The following GAL3ST2 variants were observed in gnomAD, a reference collection of about 807,000 sequenced individuals.
GAL3ST2 encodes beta-galactose-3-O-sulfotransferase 2.
A neutral mutation model predicts 12.9 loss-of-function variants in GAL3ST2; 16 were observed. The ratio of observed to expected loss-of-function variants is 1.24; its 90% CI spans 0.84 to 1.88. The LOEUF (loss-of-function observed/expected upper bound fraction) is 1.88. Among genes scored for constraint, GAL3ST2 ranks in the 40% most tolerant of loss-of-function variants. The pLI, the probability that GAL3ST2 is intolerant of heterozygous loss-of-function variation, is 0.00. For synonymous variants in GAL3ST2, 302 were observed against 273.9 expected (o/e 1.10, Z -1.01); for missense variants, 639 against 571.8 (o/e 1.12, Z -1.20).
chr2:241,786,299 GAC>G (rs1699627651), intron 1 of GAL3ST2, among the ~76,000 whole-genome samples: 2 of 151,882 alleles, frequency 1.3e-5, no homozygotes, highest in African/African-American at 4.8e-5. Flanking sequence ...CAAAAACAGA[GAC>G]AAACAACAAC....
intron 1 of GAL3ST2, among the ~76,000 whole-genome samples, chr2:241,790,523 A>G (rs1028090821): frequency 2.6e-5 from 4 of 152,158 alleles, no homozygotes; most frequent in African/African-American, 9.7e-5. Context: ...CCAAATTCCT[A>G]TCTAAGAGGT....
chr2:241,799,146 G>T lies in GAL3ST2; in HGVS notation c.111G>T (p.Leu37=). ...GATTCCTGCACTCGGACTTAGAGCTGGACACACCGTAAGTCCTGCCCCCAC... is the reference window on the plus strand; with the variant it reads ...GATTCCTGCACTCGGACTTAGAGCTTGACACACCGTAAGTCCTGCCCCCAC... The part of the protein sequence containing the change: ...LAGFLHSDLE[L]DTPLFGGQAE... Residue 37 remains leucine (L), a synonymous_variant, in exon 2 of 4, where the codon CTG becomes CTT. Transcript: ENST00000192314. 1 of 1,613,538 alleles carries T rather than the reference G, an allele frequency of 6.2e-7. No individual in the cohort carries two copies. The highest frequency in any genetic ancestry group is 8.5e-7 in the Non-Finnish European group (1 of 1,179,810).
chr2:241,794,183 ATT>A (rs1699741801), intron 1 of GAL3ST2, among the ~76,000 whole-genome samples: 1 of 151,576 alleles, frequency 6.6e-6, no homozygotes, highest in African/African-American at 2.4e-5. Flanking sequence ...CCTTGACTCA[ATT>A]GATCTTCTCA....
intron 1 of GAL3ST2, among the ~76,000 whole-genome samples, chr2:241,797,691 G>A (rs924575767): frequency 6.6e-6 from 1 of 151,084 alleles, no homozygotes; most frequent in Non-Finnish European, 1.5e-5. Context: ...TGAGCAGCGG[G>A]GCTGATCCTA....
intron 1 of GAL3ST2, among the ~76,000 whole-genome samples, chr2:241,780,434 G>A (rs1355206838): frequency 5.3e-5 from 8 of 152,208 alleles, no homozygotes; most frequent in African/African-American, 1.9e-4. Flanking sequence ...CAGGAGAACT[G>A]CTTGAACCTG....
chr2:241,797,693 C>T (rs1699789927), intron 1 of GAL3ST2, among the ~76,000 whole-genome samples: 1 of 152,182 alleles, frequency 6.6e-6, no homozygotes, highest in Admixed American at 6.5e-5. Flanking sequence ...AGCAGCGGGG[C>T]TGATCCTAAC....
chr2:241,782,595 G>C (rs1318301373), intron 1 of GAL3ST2, among the ~76,000 whole-genome samples: 1 of 152,140 alleles, frequency 6.6e-6, no homozygotes, highest in African/African-American at 2.4e-5. Flanking sequence ...CAAAGTGCTG[G>C]GATTACAGGT....
At chr2:241,792,005 T>A (rs1028531819) in intron 1 of GAL3ST2, among the ~76,000 whole-genome samples, 2 of 149,840 alleles carry the variant, frequency 1.3e-5, no homozygotes, top group Admixed American at 1.3e-4. Flanking sequence ...TCTTTTCTTT[T>A]CTTTCTTTCT....
At chr2:241,785,439 G>A (rs1699616998) in intron 1 of GAL3ST2, among the ~76,000 whole-genome samples, 1 of 151,726 alleles carries the variant, frequency 6.6e-6, no homozygotes, top group East Asian at 1.9e-4. Flanking sequence ...TGTAATCCCA[G>A]CTACTCAGGA....
Position 241,797,516 on chromosome 2 carries a change from G to A in GAL3ST2, c.30-1549G>A, listed in dbSNP as rs377400732. Among the ~76,000 whole-genome samples, 527 of 152,282 alleles carry A rather than the reference G, an allele frequency of 3.5e-3. 1 individual carries two copies. The highest frequency in any genetic ancestry group is 0.012 in the African/African-American group (497 of 41,540). On this transcript the variant is annotated intron_variant, in intron 1 of 3. Coordinates refer to ENST00000192314, the MANE Select transcript of GAL3ST2 (RefSeq NM_022134.3). ...CTTTCTCCAAAAGGAGAGGAGTGCC[G>A]GGCCAGCGTGTGGGAGTGAGGACCT...
rs1699825180 is a variant in GAL3ST2, at chr2:241,800,287, C to T, written c.119+1133C>T. 6.7e-6 allele frequency among the ~76,000 whole-genome samples: 1 copy of T among 149,576 alleles called. No homozygotes were observed. Among genetic ancestry groups the T allele is most frequent in the African/African-American group, 2.5e-5 (1 of 39,390 alleles). On this transcript the variant is annotated intron_variant, in intron 2 of 3. Coordinates refer to ENST00000192314, the MANE Select transcript of GAL3ST2 (RefSeq NM_022134.3). The surrounding 1 kb of genome is among the most constrained non-coding windows in gnomAD (Gnocchi z 5.2). ...TTGTTTCTTAAAAAGTGTGGACATC[C>T]CACAGGCTGGGAGCACAGCCGCCGA...
intron 1 of GAL3ST2, among the ~76,000 whole-genome samples, chr2:241,792,407 A>G (rs1443138579): frequency 6.6e-6 from 1 of 151,926 alleles, no homozygotes; most frequent in Non-Finnish European, 1.5e-5. Flanking sequence ...CTGAAGCCAG[A>G]CAACTTAAAC....
intron 1 of GAL3ST2, among the ~76,000 whole-genome samples, chr2:241,779,327 G>A (rs561955259): frequency 7.1e-6 from 1 of 141,734 alleles, no homozygotes; most frequent in Non-Finnish European, 1.5e-5. Context: ...TCCGCCTCCC[G>A]GGTTCACGCC....
chr2:241,803,844 C>A lies in GAL3ST2; in HGVS notation c.875C>A (p.Ala292Glu). The A allele has an allele frequency of 6.8e-7, 1 of 1,462,280 alleles. No homozygotes were observed. The highest frequency in any genetic ancestry group is 2.2e-4 in the Middle Eastern group (1 of 4,546). 90.6% of individuals were successfully genotyped at this position (1,462,280 alleles called of 1,614,324 possible). The change falls in exon 4 of 4, where the codon GCG (alanine) becomes GAG (glutamate). Residue 292 changes from alanine (A) to glutamate (E), a missense_variant. By Grantham distance (107) the Ala-to-Glu change is moderately radical. Coordinates refer to ENST00000192314, the MANE Select transcript of GAL3ST2 (RefSeq NM_022134.3). The stretch of plus-strand genomic sequence containing the variant: ...GAGCATTTCAACCGCACCCTCTGGG[C>A]GCAGCTGCGCGCCGAGCTGGGGCCG... ...LYEHFNRTLW[A>E]QLRAELGPRR... is the part of the protein sequence containing the mutation.
intron 1 of GAL3ST2, 56 bp from the exon 2 acceptor site, chr2:241,799,009 T>C: frequency 1.5e-6 from 2 of 1,377,772 alleles, no homozygotes; most frequent in Non-Finnish European, 2.0e-6. Flanking sequence ...GGATGGGAGG[T>C]GGGGGTGGGG....
chr2:241,801,331 A>C lies in GAL3ST2; in HGVS notation c.120-450A>C. On this transcript the variant is annotated intron_variant, in intron 2 of 3. Coordinates refer to ENST00000192314, the MANE Select transcript of GAL3ST2 (RefSeq NM_022134.3). The surrounding 1 kb of genome is among the most constrained non-coding windows in gnomAD (Gnocchi z 4.4). ...GGCTGCACAGTATTCCGTGGTGTAG[A>C]TGTGCCACATTTTCTTTACGGTCTC... The C allele has an allele frequency of 5.3e-6, 1 of 188,892 alleles. No individual in the cohort carries two copies. Among genetic ancestry groups the C allele is most frequent in the Non-Finnish European group, 1.1e-5 (1 of 91,630 alleles). The allele number at this position is 188,892 out of a possible 1,614,324, so 11.7% of individuals were successfully genotyped here.
intron 1 of GAL3ST2, among the ~76,000 whole-genome samples, chr2:241,777,374 C>T (rs973798505): frequency 1.4e-4 from 21 of 152,200 alleles, no homozygotes; most frequent in South Asian, 2.1e-4. Flanking sequence ...GAGTGCCAGG[C>T]GCTTGCTGGA....
At chr2:241,777,487 T>G (rs577127720) in intron 1 of GAL3ST2, among the ~76,000 whole-genome samples, 2 of 151,624 alleles carry the variant, frequency 1.3e-5, no homozygotes, top group Admixed American at 6.6e-5. Flanking sequence ...AGAGGGGAGG[T>G]GGATTTCTTC....
chr2:241,803,629 C>G lies in GAL3ST2; in HGVS notation c.660C>G (p.Arg220=). 1 of 1,554,662 alleles carries G rather than the reference C, an allele frequency of 6.4e-7. No homozygotes were observed. Among genetic ancestry groups the G allele is most frequent in the Non-Finnish European group, 8.7e-7 (1 of 1,148,858 alleles). The change falls in exon 4 of 4, where the codon CGC becomes CGG. Residue 220 remains arginine (R), a synonymous_variant. Transcript: ENST00000192314. ...CGCGCATCGCCGAGGTGGAGCGGCGCTTCCGGCTGGTGCTCATCGCCGAGC... is the reference window on the plus strand; with the variant it reads ...CGCGCATCGCCGAGGTGGAGCGGCGGTTCCGGCTGGTGCTCATCGCCGAGC... ...VRARIAEVER[R]FRLVLIAEHL... is the part of the protein sequence containing the mutation.
Sources: allele counts gnomAD v4.1 joint callset (sites outside exome capture counted in the v4.1 genomes callset), GRCh38; gene constraint gnomAD v4.1.1; non-coding constraint Gnocchi (gnomAD v3.1); transcripts MANE v1.5; gene names NCBI Gene and HGNC (gene_info 2026-07-23, HGNC 2026-07-21).